Variants in ZNF385D observed in about 807,000 individuals in gnomAD.
ZNF385D encodes zinc finger protein 385D, also known as zinc finger protein 659.
Under a neutral mutation model 35.8 loss-of-function variants are expected in ZNF385D, and 15 were observed. The ratio of observed to expected loss-of-function variants is 0.42; its 90% CI spans 0.28 to 0.64. The LOEUF is 0.64. Ranked by LOEUF, ZNF385D falls within the 30% of genes least tolerant of loss-of-function variation. The probability of loss-of-function intolerance (pLI) is 0.23; values close to 1 mark genes in which losing one functional copy is unlikely to be tolerated. For synonymous variants in ZNF385D, 212 were observed against 186.8 expected, an observed-to-expected ratio of 1.13 and a Z score of -1.10; for missense variants, 474 against 494.6, an observed-to-expected ratio of 0.96 and a Z score of 0.39.
intron 2 of ZNF385D, among the ~76,000 whole-genome samples, chr3:22,362,254 A>G (rs575670004): frequency 2.0e-5 from 3 of 151,936 alleles, no homozygotes; most frequent in Non-Finnish European, 4.4e-5. Context: ...AGAAAACTCT[A>G]AGTATCATCT....
intron 2 of ZNF385D, among the ~76,000 whole-genome samples, chr3:21,608,093 T>C (rs961738965): frequency 4.7e-5 from 7 of 147,478 alleles, no homozygotes; most frequent in Non-Finnish European, 1.0e-4. Flanking sequence ...CACTGTAACC[T>C]CCACCTCCTG....
intron 3 of ZNF385D, among the ~76,000 whole-genome samples, chr3:21,920,295 C>A (rs1028487670): frequency 6.6e-6 from 1 of 152,010 alleles, no homozygotes; most frequent in Non-Finnish European, 1.5e-5. Flanking sequence ...AGACGCAGTG[C>A]TTCAAACACA....
intron 3 of ZNF385D, among the ~76,000 whole-genome samples, chr3:21,911,770 T>G (rs1471417879): frequency 6.6e-6 from 1 of 151,970 alleles, no homozygotes; most frequent in Non-Finnish European, 1.5e-5. Context: ...TTTTACTATG[T>G]ACCTATAAAC....
intron 3 of ZNF385D, among the ~76,000 whole-genome samples, chr3:22,117,151 T>A (rs1576348049): frequency 1.3e-5 from 2 of 152,048 alleles, no homozygotes; most frequent in Admixed American, 1.3e-4. Flanking sequence ...AACATACTTA[T>A]GTTAACAAAC....
chr3:21,894,564 G>A (rs1219324366), intron 3 of ZNF385D, among the ~76,000 whole-genome samples: 1 of 152,056 alleles, frequency 6.6e-6, no homozygotes, highest in African/African-American at 2.4e-5. Flanking sequence ...CAACAGCAAA[G>A]CTCACCTTAT....
At chr3:21,769,108 C>G (rs2070963825) in intron 3 of ZNF385D, among the ~76,000 whole-genome samples, 1 of 152,050 alleles carries the variant, frequency 6.6e-6, no homozygotes, top group African/African-American at 2.4e-5. Context: ...GCCCTTTCTG[C>G]ATCTATTGAG....
chr3:22,033,261 G>T (rs1270288216), intron 3 of ZNF385D, among the ~76,000 whole-genome samples: 3 of 151,794 alleles, frequency 2.0e-5, no homozygotes, highest in African/African-American at 7.3e-5. Flanking sequence ...AATCAGCCTG[G>T]CATGGTGGCG....
At chr3:21,711,181 ACAG>A (rs1293498758) in intron 1 of ZNF385D, among the ~76,000 whole-genome samples, 6 of 151,098 alleles carry the variant, frequency 4.0e-5, no homozygotes, top group Non-Finnish European at 8.8e-5. Context: ...AGCTGGGACT[ACAG>A]GAGCCCACCA....
intron 3 of ZNF385D, among the ~76,000 whole-genome samples, chr3:21,877,141 A>G (rs1400058237): frequency 6.6e-6 from 1 of 152,094 alleles, no homozygotes; most frequent in Non-Finnish European, 1.5e-5. Flanking sequence ...AAAACTTACC[A>G]TGTGGAACAC....
At chr3:22,083,562 C>T (rs1301456135) in intron 3 of ZNF385D, among the ~76,000 whole-genome samples, 1 of 152,128 alleles carries the variant, frequency 6.6e-6, no homozygotes, top group African/African-American at 2.4e-5. Context: ...AACAAAGCCT[C>T]CAAGAAATAT....
intron 3 of ZNF385D, among the ~76,000 whole-genome samples, chr3:22,088,649 A>C (rs1023118174): frequency 3.9e-5 from 6 of 152,162 alleles, no homozygotes; most frequent in African/African-American, 1.4e-4. Flanking sequence ...CCTTGGATGG[A>C]GCTGTGTGGG....
intron 4 of ZNF385D, among the ~76,000 whole-genome samples, chr3:21,439,613 C>T (rs1384083192): frequency 6.6e-6 from 1 of 152,030 alleles, no homozygotes; most frequent in Non-Finnish European, 1.5e-5. Context: ...TAGTATAGAT[C>T]ATAGTAATCC....
intron 3 of ZNF385D, among the ~76,000 whole-genome samples, chr3:22,092,519 G>A (rs537290276): frequency 2.6e-5 from 4 of 152,232 alleles, no homozygotes; most frequent in African/African-American, 7.2e-5. Flanking sequence ...TGCAGCCTCA[G>A]CAAACCCTGC....
intron 2 of ZNF385D, among the ~76,000 whole-genome samples, chr3:22,214,743 C>G (rs901399822): frequency 6.6e-5 from 10 of 152,012 alleles, no homozygotes; most frequent in African/African-American, 2.4e-4. Context: ...CAGTTGTCTG[C>G]TCTCAAACCC....
intron 3 of ZNF385D, among the ~76,000 whole-genome samples, chr3:22,083,951 T>C (rs1700896807): frequency 2.6e-5 from 4 of 152,314 alleles, no homozygotes; most frequent in South Asian, 2.1e-4. Context: ...GAAAAGAATT[T>C]TCAACCCATA....
intron 1 of ZNF385D, among the ~76,000 whole-genome samples, chr3:21,689,512 T>A (rs557158527): frequency 1.3e-5 from 2 of 152,288 alleles, no homozygotes; most frequent in Admixed American, 1.3e-4. Context: ...TCACTGGAAA[T>A]TCTGTGTAGA....
At chr3:22,200,537 G>A (rs1696718090) in intron 2 of ZNF385D, among the ~76,000 whole-genome samples, 1 of 152,072 alleles carries the variant, frequency 6.6e-6, no homozygotes, top group African/African-American at 2.4e-5. Context: ...CAGGACCACG[G>A]TGAAATTAAA....
chr3:22,237,290 T>G (rs1699240448), intron 2 of ZNF385D, among the ~76,000 whole-genome samples: 1 of 152,220 alleles, frequency 6.6e-6, no homozygotes, highest in Admixed American at 6.5e-5. Context: ...GTTGAGCATC[T>G]TTTCATGTGC....
intron 3 of ZNF385D, among the ~76,000 whole-genome samples, chr3:22,021,192 C>A (rs1386718386): frequency 6.6e-6 from 1 of 151,842 alleles, no homozygotes; most frequent in Non-Finnish European, 1.5e-5. Flanking sequence ...AAAGCCCTGA[C>A]TTGCCACTAC....
Sources: allele counts gnomAD v4.1 joint callset (sites outside exome capture counted in the v4.1 genomes callset), GRCh38; gene constraint gnomAD v4.1.1; transcripts MANE v1.5; gene names NCBI Gene and HGNC (gene_info 2026-07-23, HGNC 2026-07-21).